The following BASP1 variants were observed in gnomAD, a reference collection of about 807,000 sequenced individuals.
The protein encoded by BASP1 is brain acid soluble protein 1.
Under a neutral mutation model 2.2 loss-of-function variants are expected in BASP1, and 1 was observed. The observed-to-expected ratio is 0.46, with a 90% CI of 0.16 to 2.17. The LOEUF (loss-of-function observed/expected upper bound fraction) is 2.17. Among genes scored for constraint, BASP1 ranks in the 30% most tolerant of loss-of-function variants. The pLI, the probability that BASP1 is intolerant of heterozygous loss-of-function variation, is 0.27. For synonymous variants in BASP1, 187 were observed against 154.2 expected (o/e 1.21, Z -1.58); for missense variants, 352 against 327.2 (o/e 1.08, Z -0.58).
chr5:17,257,725 A>C (rs1347964859), intron 1 of BASP1, among the ~76,000 whole-genome samples: 1 of 152,198 alleles, frequency 6.6e-6, no homozygotes, highest in Non-Finnish European at 1.5e-5. Flanking sequence ...TTGGCAAGCC[A>C]TCAAAGTTCC....
chr5:17,238,264 C>T (rs1739788172), intron 1 of BASP1, among the ~76,000 whole-genome samples: 1 of 151,748 alleles, frequency 6.6e-6, no homozygotes, highest in Non-Finnish European at 1.5e-5. Flanking sequence ...AAAGTGGTCA[C>T]TGTTCAGTCA....
At chr5:17,271,721 A>G (rs1323835237) in intron 1 of BASP1, among the ~76,000 whole-genome samples, 1 of 152,166 alleles carries the variant, frequency 6.6e-6, no homozygotes, top group African/African-American at 2.4e-5. Context: ...AGAAGTTCCA[A>G]CTTCTAACTT....
At chr5:17,221,822 T>C (rs183420519) in intron 1 of BASP1, among the ~76,000 whole-genome samples, 37 of 152,242 alleles carry the variant, frequency 2.4e-4, no homozygotes, top group African/African-American at 6.3e-4. Flanking sequence ...ACTCTTTATG[T>C]GTTTTGGGGT....
At chr5:17,249,443 A>G (rs2126506353) in intron 1 of BASP1, among the ~76,000 whole-genome samples, 1 of 152,280 alleles carries the variant, frequency 6.6e-6, no homozygotes, top group South Asian at 2.1e-4. Flanking sequence ...GATGGGTATG[A>G]TTAACTGGTG....
At chr5:17,245,119 T>G (rs1371628325) in intron 1 of BASP1, among the ~76,000 whole-genome samples, 1 of 151,676 alleles carries the variant, frequency 6.6e-6, no homozygotes, top group Non-Finnish European at 1.5e-5. Context: ...CTGACCAATA[T>G]GATGAAACCC....
chr5:17,257,092 T>C (rs1740224816), intron 1 of BASP1, among the ~76,000 whole-genome samples: 1 of 152,212 alleles, frequency 6.6e-6, no homozygotes, highest in Admixed American at 6.5e-5. Flanking sequence ...GAACACATTT[T>C]GAGGCTCATT....
chr5:17,272,704 A>T (rs1740554941), intron 1 of BASP1, among the ~76,000 whole-genome samples: 2 of 152,250 alleles, frequency 1.3e-5, no homozygotes, highest in East Asian at 3.9e-4. Context: ...GCGTTTGTTA[A>T]CTTTGTTTGA....
intron 1 of BASP1, among the ~76,000 whole-genome samples, chr5:17,240,065 G>A (rs981268307): frequency 5.3e-5 from 8 of 151,882 alleles, no homozygotes; most frequent in African/African-American, 1.9e-4. Flanking sequence ...TCGAGGTCAT[G>A]ATTATTCCAC....
intron 1 of BASP1, among the ~76,000 whole-genome samples, chr5:17,220,308 T>G (rs1234109356): frequency 6.6e-6 from 1 of 152,196 alleles, no homozygotes; most frequent in Non-Finnish European, 1.5e-5. Flanking sequence ...TTGAGTAGGT[T>G]ATTATGATTT....
At position 17,223,895 on chromosome 5, in the gene BASP1, TC is replaced by T. The variant is rs541118942; in HGVS notation, c.-10+6087del. On this transcript the variant is annotated intron_variant, in intron 1 of 1. Transcript: ENST00000322611. ...TACATTCCATATTATTCCCACTACC[TC>T]CACCCTGCCCCTGCCAAACAGGCAT... 4.9e-4 allele frequency among the ~76,000 whole-genome samples: 74 copies of T among 152,262 alleles called. 1 individual carries two copies. The South Asian group carries it at 0.015, about 30-fold the overall frequency.
chr5:17,256,686 T>C (rs1740218005), intron 1 of BASP1, among the ~76,000 whole-genome samples: 1 of 152,210 alleles, frequency 6.6e-6, no homozygotes, highest in African/African-American at 2.4e-5. Flanking sequence ...AGAAATCGTT[T>C]AAAAATTCAA....
At chr5:17,228,092 C>T (rs1483421359) in intron 1 of BASP1, among the ~76,000 whole-genome samples, 6 of 152,150 alleles carry the variant, frequency 3.9e-5, no homozygotes, top group Non-Finnish European at 7.4e-5. Context: ...TCATCTGACC[C>T]GATGATTGAC....
intron 1 of BASP1, among the ~76,000 whole-genome samples, chr5:17,225,199 G>A (rs1739472267): frequency 6.6e-6 from 1 of 151,878 alleles, no homozygotes; most frequent in Non-Finnish European, 1.5e-5. Context: ...ATGTCTAATT[G>A]AGTCACTCTT....
intron 1 of BASP1, among the ~76,000 whole-genome samples, chr5:17,261,989 G>A (rs184014213): frequency 1.3e-5 from 2 of 152,112 alleles, no homozygotes; most frequent in Non-Finnish European, 2.9e-5. Flanking sequence ...ATCAATTTGC[G>A]CCATCTCTTC....
chr5:17,236,680 T>C lies in BASP1; in HGVS notation c.-10+18870T>C, dbSNP rs1201174314. Among the ~76,000 whole-genome samples, 3 of 152,190 alleles carry C rather than the reference T, an allele frequency of 2.0e-5. No individual in the cohort carries two copies. The highest frequency in any genetic ancestry group is 2.9e-5 in the Non-Finnish European group (2 of 68,038). On this transcript the variant is annotated intron_variant, in intron 1 of 1. Transcript: ENST00000322611. The surrounding 1 kb of genome is among the most constrained non-coding windows in gnomAD (Gnocchi z 4.0). ...AGGTCCTAAGAGTTTATTTTTCATG[T>C]TATTGTTGGAAATAAAAACCCAGAA...
chr5:17,226,695 TCA>T (rs1739515335), intron 1 of BASP1, among the ~76,000 whole-genome samples: 1 of 152,208 alleles, frequency 6.6e-6, no homozygotes, highest in Non-Finnish European at 1.5e-5. Flanking sequence ...CATTAGAGGA[TCA>T]CAGTGTCTGT....
intron 1 of BASP1, among the ~76,000 whole-genome samples, chr5:17,220,654 G>A (rs1037473846): frequency 1.3e-5 from 2 of 152,128 alleles, no homozygotes; most frequent in Admixed American, 6.6e-5. Context: ...ACGTGTAGAA[G>A]AGAACCTTAT....
At chr5:17,239,879 G>A (rs138718217) in intron 1 of BASP1, among the ~76,000 whole-genome samples, 6 of 152,214 alleles carry the variant, frequency 3.9e-5, no homozygotes, top group Non-Finnish European at 8.8e-5. Flanking sequence ...TGGTAGCATG[G>A]AGGTGTTGCT....
chr5:17,275,973 C>T lies in BASP1; in HGVS notation c.*73C>T. 8.4e-7 allele frequency: 1 copy of T among 1,196,164 alleles called. No homozygotes were observed. The highest frequency in any genetic ancestry group is 1.1e-6 in the Non-Finnish European group (1 of 882,974). 74.1% of individuals were successfully genotyped at this position (1,196,164 alleles called of 1,614,324 possible). ...TCTCTCTCTCTCTCTCTCTCTCTAT[C>T]TCTCTCTCTATCTCCTCTCTCTCTC... On this transcript the variant is annotated 3_prime_UTR_variant, in exon 2 of 2. Transcript: ENST00000322611. This position sits in a 1 kb window ranked among gnomAD's most constrained non-coding sequence, Gnocchi z 5.3.
Sources: allele counts gnomAD v4.1 joint callset (sites outside exome capture counted in the v4.1 genomes callset), GRCh38; gene constraint gnomAD v4.1.1; non-coding constraint Gnocchi (gnomAD v3.1); transcripts MANE v1.5; gene names NCBI Gene and HGNC (gene_info 2026-07-23, HGNC 2026-07-21).